The following KATNIP variants were observed in gnomAD, a reference collection of about 807,000 sequenced individuals.
KATNIP encodes the protein katanin interacting protein.
KATNIP carries 126 observed loss-of-function variants against 174.0 expected under a neutral mutation model. That is an observed-to-expected ratio of 0.72 (90% CI 0.63 to 0.84). KATNIP has a LOEUF of 0.84. Among genes scored for constraint, KATNIP ranks in the 40% least tolerant of loss-of-function variants. The probability of loss-of-function intolerance (pLI) is 0.00; values close to 1 mark genes in which losing one functional copy is unlikely to be tolerated. For missense variants in KATNIP, 1,958 were observed against 2,109.7 expected, an observed-to-expected ratio of 0.93 and a Z score of 1.41; for synonymous variants, 810 against 835.7, an observed-to-expected ratio of 0.97 and a Z score of 0.53.
At chr16:27,634,976 A>G (rs1265650734) in intron 5 of KATNIP, among the ~76,000 whole-genome samples, 1 of 152,010 alleles carries the variant, frequency 6.6e-6, no homozygotes, top group Non-Finnish European at 1.5e-5. Context: ...ATGTGTGGAG[A>G]TCATTGATTG....
chr16:27,762,031 C>T (rs1174271520), intron 19 of KATNIP, among the ~76,000 whole-genome samples: 1 of 152,192 alleles, frequency 6.6e-6, no homozygotes, highest in Non-Finnish European at 1.5e-5. Context: ...CCTCCACAGG[C>T]GGTGGTGGCT....
intron 6 of KATNIP, among the ~76,000 whole-genome samples, chr16:27,664,433 G>A (rs895781777): frequency 6.6e-5 from 10 of 152,180 alleles, no homozygotes; most frequent in African/African-American, 2.4e-4. Flanking sequence ...GATTCTTAAA[G>A]TGTGGTCTCA....
chr16:27,612,759 A>G (rs1027463722), intron 2 of KATNIP, among the ~76,000 whole-genome samples: 1 of 151,858 alleles, frequency 6.6e-6, no homozygotes, highest in African/African-American at 2.4e-5. Flanking sequence ...ACTCCTTCTC[A>G]AAAAGAAAAA....
chr16:27,689,445 G>A (rs943147822), intron 8 of KATNIP, among the ~76,000 whole-genome samples: 1 of 151,982 alleles, frequency 6.6e-6, no homozygotes, highest in South Asian at 2.1e-4. Context: ...AGGACATTTT[G>A]CCACAGATTC....
intron 7 of KATNIP, among the ~76,000 whole-genome samples, chr16:27,678,223 G>A (rs1385605861): frequency 6.6e-6 from 1 of 152,180 alleles, no homozygotes; most frequent in Non-Finnish European, 1.5e-5. Flanking sequence ...AGTTGGAGGT[G>A]TCTGTTCTGT....
chr16:27,696,563 T>C (rs1597201246), intron 8 of KATNIP, among the ~76,000 whole-genome samples: 1 of 152,276 alleles, frequency 6.6e-6, no homozygotes, highest in Non-Finnish European at 1.5e-5. Flanking sequence ...TCTCATTGTT[T>C]AGCTTATAAG....
At chr16:27,743,161 C>A (rs1477139393) in intron 15 of KATNIP, among the ~76,000 whole-genome samples, 1 of 152,190 alleles carries the variant, frequency 6.6e-6, no homozygotes, top group Non-Finnish European at 1.5e-5. Context: ...CTTCTGCCTA[C>A]CTCCATGTCC....
At chr16:27,709,656 T>TA (rs1019644877) in intron 13 of KATNIP, among the ~76,000 whole-genome samples, 3 of 152,040 alleles carry the variant, frequency 2.0e-5, no homozygotes, top group Non-Finnish European at 2.9e-5. Flanking sequence ...ATAAATAAGA[T>TA]AAAATCTACC....
chr16:27,585,931 G>T (rs1001351960), intron 2 of KATNIP, among the ~76,000 whole-genome samples: 2 of 151,984 alleles, frequency 1.3e-5, no homozygotes, highest in Admixed American at 1.3e-4. Context: ...GTGAAACCCT[G>T]TCTCTACTGA....
At chr16:27,588,878 CTTTTTTTTTT>C (rs11346883) in intron 2 of KATNIP, among the ~76,000 whole-genome samples, 4 of 78,098 alleles carry the variant, frequency 5.1e-5, no homozygotes, top group African/African-American at 1.1e-4. Flanking sequence ...CAACTCTATT[CTTTTTTTTTT>C]TTTTTTTTTT....
intron 14 of KATNIP, among the ~76,000 whole-genome samples, chr16:27,730,570 C>T (rs146753453): frequency 1.5e-3 from 235 of 152,308 alleles, no homozygotes; most frequent in African/African-American, 4.8e-3. Flanking sequence ...TCTCTCCTCT[C>T]TGCCTTAGCT....
intron 21 of KATNIP, 60 bp from the exon 22 acceptor site, chr16:27,771,528 C>A: frequency 6.5e-7 from 1 of 1,541,262 alleles, no homozygotes; most frequent in Non-Finnish European, 8.9e-7. Flanking sequence ...TAGGGGGTAA[C>A]TGGCTGGTGA....
chr16:27,703,249 A>G (rs1446769131), intron 11 of KATNIP, among the ~76,000 whole-genome samples: 2 of 151,888 alleles, frequency 1.3e-5, no homozygotes, highest in Non-Finnish European at 2.9e-5. Context: ...AGCAGCATGC[A>G]CTCCGCCAAA....
chr16:27,600,628 C>T (rs2075488004), intron 2 of KATNIP, among the ~76,000 whole-genome samples: 1 of 152,042 alleles, frequency 6.6e-6, no homozygotes, highest in South Asian at 2.1e-4. Flanking sequence ...AGCTCTTTTA[C>T]AATTCGGTGT....
intron 1 of KATNIP, among the ~76,000 whole-genome samples, chr16:27,573,499 C>G (rs941087297): frequency 1.3e-5 from 2 of 152,198 alleles, no homozygotes; most frequent in African/African-American, 4.8e-5. Context: ...TGGTGCAGCA[C>G]GTTGGTATGC....
intron 10 of KATNIP, among the ~76,000 whole-genome samples, chr16:27,699,980 G>A (rs1182138164): frequency 1.3e-5 from 2 of 151,478 alleles, no homozygotes; most frequent in African/African-American, 2.4e-5. Context: ...GTGCAATCTC[G>A]GCTCACTACA....
intron 14 of KATNIP, among the ~76,000 whole-genome samples, chr16:27,723,391 A>G (rs1341204588): frequency 7.2e-6 from 1 of 138,774 alleles, no homozygotes; most frequent in Non-Finnish European, 1.6e-5. Flanking sequence ...CTCCACCCCC[A>G]TCTCACTCAA....
chr16:27,758,363 G>A (rs943480198), intron 18 of KATNIP, among the ~76,000 whole-genome samples: 1 of 152,130 alleles, frequency 6.6e-6, no homozygotes, highest in Non-Finnish European at 1.5e-5. Flanking sequence ...CTCTGAAACA[G>A]ATCCTGTATC....
intron 5 of KATNIP, among the ~76,000 whole-genome samples, chr16:27,642,605 G>C (rs1462484056): frequency 1.3e-5 from 2 of 152,078 alleles, no homozygotes; most frequent in African/African-American, 4.8e-5. Flanking sequence ...CTAGCGCCGA[G>C]GGTAACACAT....
Sources: gnomAD v4.1 joint callset for allele counts (sites outside exome capture counted in the v4.1 genomes callset) on GRCh38, gnomAD v4.1.1 for gene constraint, MANE v1.5 for transcripts, NCBI Gene and HGNC (gene_info 2026-07-23, HGNC 2026-07-21) for gene names.